The following PM20D2 variants were observed in gnomAD, a reference collection of about 807,000 sequenced individuals.
The protein encoded by PM20D2 is xaa-Arg dipeptidase.
Under a neutral mutation model 42.9 loss-of-function variants are expected in PM20D2, and 33 were observed. The observed-to-expected ratio is 0.77, with a 90% CI of 0.58 to 1.03. The LOEUF (loss-of-function observed/expected upper bound fraction) is 1.03, where lower values mean the gene tolerates loss of function less well. Ranked by LOEUF, PM20D2 falls within the 50% of genes least tolerant of loss-of-function variation. The pLI, the probability that PM20D2 is intolerant of heterozygous loss-of-function variation, is 0.00. For missense variants in PM20D2, 548 were observed against 557.0 expected (o/e 0.98, Z 0.16); for synonymous variants, 250 against 228.2 (o/e 1.10, Z -0.86).
the PM20D2 span, among the ~76,000 whole-genome samples, chr6:89,130,261 A>G: frequency 6.6e-6 from 1 of 151,458 alleles, no homozygotes; most frequent in East Asian, 2.0e-4. Context: ...TTTATGTTAT[A>G]TTTTATTTTA....
the PM20D2 span, chr6:89,105,052 T>C: frequency 7.2e-7 from 1 of 1,389,862 alleles, no homozygotes; most frequent in South Asian, 1.5e-5. Context: ...TGAGACCCTA[T>C]CAAAAAAATA....
chr6:89,121,504 C>T, the PM20D2 span, among the ~76,000 whole-genome samples: 1 of 152,126 alleles, frequency 6.6e-6, no homozygotes, highest in Admixed American at 6.6e-5. Flanking sequence ...AGGGGAAAGG[C>T]TTAGGTCAAG....
chr6:89,110,098 A>G, the PM20D2 span, among the ~76,000 whole-genome samples: 1 of 152,334 alleles, frequency 6.6e-6, no homozygotes, highest in South Asian at 2.1e-4. Flanking sequence ...CTCAAAAAAA[A>G]AAAATTATTT....
rs1396314135 is a variant in PM20D2 at position 89,162,514 on chromosome 6, C to G, written c.*251C>G. 2 of 308,332 alleles carry G rather than the reference C, an allele frequency of 6.5e-6. No homozygotes were observed. Among genetic ancestry groups the G allele is most frequent in the Admixed American group, 9.2e-5 (2 of 21,630 alleles). 19.1% of individuals were successfully genotyped at this position (308,332 alleles called of 1,614,324 possible). On this transcript the variant is annotated 3_prime_UTR_variant, in exon 7 of 7. Transcript: ENST00000275072. ...GATGCCATTCTTTCTTTTTTTTTAC[C>G]CCGCAACCACTCACCTTCACAGTAG...
At chr6:89,161,671 C>T in intron 5 of PM20D2, 112 bp from the exon 6 acceptor site, 2 of 797,162 alleles carry the variant, frequency 2.5e-6, no homozygotes, top group Admixed American at 2.1e-5. Context: ...GGACAACTCT[C>T]CAAGAAGCTC....
At chr6:89,151,817 G>C (rs1770855233) in intron 2 of PM20D2, among the ~76,000 whole-genome samples, 1 of 152,046 alleles carries the variant, frequency 6.6e-6, no homozygotes, top group African/African-American at 2.4e-5. Flanking sequence ...GCCAGGCCAG[G>C]TGGCTCACAC....
chr6:89,121,960 C>T, the PM20D2 span, among the ~76,000 whole-genome samples: 1 of 152,152 alleles, frequency 6.6e-6, no homozygotes, highest in Non-Finnish European at 1.5e-5. Context: ...TAAACTTTTT[C>T]ATTGGAATCA....
At chr6:89,158,805 G>A (rs1771137445) in intron 5 of PM20D2, among the ~76,000 whole-genome samples, 1 of 152,200 alleles carries the variant, frequency 6.6e-6, no homozygotes, top group Non-Finnish European at 1.5e-5. Flanking sequence ...AGGTTACTAA[G>A]TACTTAGTTA....
the PM20D2 span, among the ~76,000 whole-genome samples, chr6:89,124,736 GT>G: frequency 4.1e-4 from 44 of 108,456 alleles, no homozygotes; most frequent in South Asian, 3.1e-3. Context: ...TGCTGTTGTT[GT>G]TTTTTTTTTT....
At chr6:89,135,170 G>C in the PM20D2 span, among the ~76,000 whole-genome samples, 3 of 151,234 alleles carry the variant, frequency 2.0e-5, no homozygotes, top group Admixed American at 6.6e-5. Context: ...AATTTGTAAA[G>C]ATCACAAAAT....
chr6:89,101,494 G>A, the PM20D2 span, among the ~76,000 whole-genome samples: 9 of 152,082 alleles, frequency 5.9e-5, no homozygotes, highest in Non-Finnish European at 1.0e-4. Context: ...GGCTGAGGCA[G>A]GTGGATCACC....
At chr6:89,122,827 G>T in the PM20D2 span, among the ~76,000 whole-genome samples, 4 of 152,144 alleles carry the variant, frequency 2.6e-5, no homozygotes, top group African/African-American at 9.7e-5. Context: ...AGCTGCCATG[G>T]CCTATCCTTT....
chr6:89,121,512 A>T, the PM20D2 span, among the ~76,000 whole-genome samples: 1 of 152,194 alleles, frequency 6.6e-6, no homozygotes, highest in Non-Finnish European at 1.5e-5. Flanking sequence ...GGCTTAGGTC[A>T]AGAGTAAACA....
At chr6:89,140,118 T>G in the PM20D2 span, among the ~76,000 whole-genome samples, 1 of 149,868 alleles carries the variant, frequency 6.7e-6, no homozygotes, top group Non-Finnish European at 1.5e-5. Context: ...TTTGTTAACT[T>G]TTTTGTAGAG....
chr6:89,094,223 T>C, the PM20D2 span, among the ~76,000 whole-genome samples: 1 of 146,830 alleles, frequency 6.8e-6, no homozygotes, highest in Non-Finnish European at 1.5e-5. Context: ...ACCGGCCTCT[T>C]TATTTTTTTT....
the PM20D2 span, chr6:89,097,002 A>G: frequency 1.3e-5 from 2 of 152,232 alleles, no homozygotes; most frequent in Non-Finnish European, 2.9e-5. Context: ...ATGATTAGAG[A>G]AAATCTATTC....
the PM20D2 span, among the ~76,000 whole-genome samples, chr6:89,126,392 T>C: frequency 4.2e-4 from 23 of 54,236 alleles, no homozygotes; most frequent in Non-Finnish European, 7.6e-4. Context: ...AAGACCTGTC[T>C]TAAAAAAAAA....
At chr6:89,129,793 C>T in the PM20D2 span, among the ~76,000 whole-genome samples, 1 of 151,954 alleles carries the variant, frequency 6.6e-6, no homozygotes, top group Non-Finnish European at 1.5e-5. Context: ...CAGGATCTTG[C>T]TGTGTTTACC....
rs772858718 is a variant in PM20D2 at position 89,146,304 on chromosome 6, G to A, written c.160G>A (p.Glu54Lys). The change falls in exon 1 of 7, where the codon GAG becomes AAG. Residue 54 changes from glutamate (E) to lysine (K), a missense_variant. By Grantham distance (56) the Glu-to-Lys change is moderately conservative. This residue lies in a region of PM20D2 where 470 missense variants were observed against 464.4 expected (regional missense o/e 1.01). Transcript: ENST00000275072. ...CTGGAGCCAGCCCGAGCTGGCCTAC[G>A]AGGAGCACCATGCCCACCGCGTGCT... The part of the protein sequence containing the change: ...AIWSQPELAY[E>K]EHHAHRVLTH... 1.5e-5 allele frequency: 24 copies of A among 1,581,862 alleles called. No homozygotes were observed. The Admixed American group carries it at 3.3e-4, about 22-fold the overall frequency.
Sources: gnomAD v4.1 joint callset for allele counts (sites outside exome capture counted in the v4.1 genomes callset) on GRCh38, gnomAD v4.1.1 for gene constraint, gnomAD v4.1.1 regional missense constraint, MANE v1.5 for transcripts, NCBI Gene and HGNC (gene_info 2026-07-23, HGNC 2026-07-21) for gene names.